The following RNF212B variants were observed in gnomAD, a reference collection of about 807,000 sequenced individuals.
RNF212B encodes ring finger protein 212B, also known as E3 ubiquitin-protein ligase RNF212B.
In RNF212B, 52 loss-of-function variants were observed where a neutral mutation model predicts 55.5. The observed-to-expected ratio is 0.94, with a 90% CI of 0.75 to 1.18. The LOEUF is 1.18. RNF212B is among the 50% of genes most tolerant of loss of function. The pLI, the probability that RNF212B is intolerant of heterozygous loss-of-function variation, is 0.00. For synonymous variants in RNF212B, 99 were observed against 121.4 expected (o/e 0.82, Z 1.21); for missense variants, 289 against 350.4 (o/e 0.82, Z 1.40).
chr14:23,227,367 T>C (rs898203298), intron 2 of RNF212B, among the ~76,000 whole-genome samples: 1 of 152,090 alleles, frequency 6.6e-6, no homozygotes, highest in Admixed American at 6.6e-5. Flanking sequence ...AGGACAATGG[T>C]TGCCTTTAGG....
At chr14:23,206,890 A>G (rs900318347) in intron 2 of RNF212B, among the ~76,000 whole-genome samples, 4 of 152,112 alleles carry the variant, frequency 2.6e-5, no homozygotes, top group Non-Finnish European at 5.9e-5. Flanking sequence ...AACTGAGAAG[A>G]AAAAGAAAAA....
intron 1 of RNF212B, among the ~76,000 whole-genome samples, chr14:23,187,250 A>C (rs1877687360): frequency 6.6e-6 from 1 of 152,180 alleles, no homozygotes; most frequent in Non-Finnish European, 1.5e-5. Context: ...CGTAGCTGAC[A>C]CCTACTGGAC....
intron 1 of RNF212B, among the ~76,000 whole-genome samples, chr14:23,187,746 T>A (rs1279071249): frequency 6.6e-6 from 1 of 152,172 alleles, no homozygotes; most frequent in Non-Finnish European, 1.5e-5. Flanking sequence ...CGTAACTATG[T>A]GCCCCATATC....
Position 23,260,683 on chromosome 14 carries a change from A to T in RNF212B, c.430A>T (p.Ser144Cys). ...LKESPSRYQG[S>C]RSITPRPVGI... ...GGAATCTCCAAGTCGGTACCAAGGAAGCAGGTCAGTTTTATCAGCTCCCAT... is the reference window on the plus strand; with the variant it reads ...GGAATCTCCAAGTCGGTACCAAGGATGCAGGTCAGTTTTATCAGCTCCCAT... The change falls in exon 7 of 15, where the codon AGC becomes TGC. Residue 144 changes from serine to cysteine, a missense_variant. By Grantham distance (112) the Ser-to-Cys change is moderately radical. Coordinates refer to ENST00000430154, the MANE Select transcript of RNF212B (RefSeq NM_001282322.3). The T allele has an allele frequency of 1.3e-6, 2 of 1,550,500 alleles. No individual in the cohort carries two copies. Among genetic ancestry groups the T allele is most frequent in the Non-Finnish European group, 1.7e-6 (2 of 1,146,944 alleles).
chr14:23,270,062 A>G (rs112629843), intron 13 of RNF212B, 102 bp downstream of exon 13: 34 of 715,024 alleles, frequency 4.8e-5, no homozygotes, highest in African/African-American at 2.8e-4. Flanking sequence ...TTGCCCCCCA[A>G]AGAGCATTGT....
At position 23,238,195 on chromosome 14, in the gene RNF212B, T is replaced by A. The variant is rs1329962004; in HGVS notation, c.-2+140T>A. ...CCTTTTTTATGTTGGGCTCATCTGGTCAATTCAGGGGATGACATTGTTGCT... is the reference window on the plus strand; with the variant it reads ...CCTTTTTTATGTTGGGCTCATCTGGACAATTCAGGGGATGACATTGTTGCT... On this transcript the variant is annotated intron_variant, in intron 1 of 14. Transcript: ENST00000430154. Among the ~76,000 whole-genome samples, 5 of 152,232 alleles carry A rather than the reference T, an allele frequency of 3.3e-5. No homozygotes were observed. In the East Asian group the frequency reaches 9.7e-4, roughly 29 times the overall value.
rs75438563 is a variant in RNF212B, at chr14:23,249,262, C to G, written c.228+4866C>G. 4.3e-3 allele frequency among the ~76,000 whole-genome samples: 661 copies of G among 152,326 alleles called. 4 individuals carry two copies. The highest frequency in any genetic ancestry group is 0.015 in the African/African-American group (625 of 41,578). ...TCAGCTGAATTAAGAATTTGAACAA[C>G]TGAGGTACTCAGTGGGCCAGGCGCA... On this transcript the variant is annotated intron_variant, in intron 4 of 14. Transcript: ENST00000430154.
rs117064099 is a variant in RNF212B at position 23,226,826 on chromosome 14, T to A, written c.-1-13519T>A. On this transcript the variant is annotated intron_variant, in intron 2 of 15. Coordinates refer to the RNF212B transcript ENST00000399910. ...TTCTTCTTCTTCTTTTTTTTTTTTT[T>A]AATAGAGAGGAGGTCTATGTTGCTC... 5.9e-4 allele frequency among the ~76,000 whole-genome samples: 86 copies of A among 145,250 alleles called. 1 individual carries two copies. The highest frequency in any genetic ancestry group is 6.9e-4 in the Non-Finnish European group (46 of 66,678).
chr14:23,221,001 C>G (rs1198552494), intron 2 of RNF212B, among the ~76,000 whole-genome samples: 3 of 151,878 alleles, frequency 2.0e-5, no homozygotes, highest in African/African-American at 7.3e-5. Context: ...TGCTATTTAT[C>G]AATAATAACA....
intron 2 of RNF212B, among the ~76,000 whole-genome samples, chr14:23,229,747 T>G (rs1370871258): frequency 6.6e-6 from 1 of 152,220 alleles, no homozygotes; most frequent in African/African-American, 2.4e-5. Flanking sequence ...ACTTTTTTGT[T>G]GTTGAGTTGT....
At chr14:23,205,638 C>G (rs1879763403) in intron 2 of RNF212B, among the ~76,000 whole-genome samples, 1 of 152,146 alleles carries the variant, frequency 6.6e-6, no homozygotes, top group Non-Finnish European at 1.5e-5. Flanking sequence ...TGGGCATGGG[C>G]TGAACTAACT....
intron 2 of RNF212B, among the ~76,000 whole-genome samples, chr14:23,227,603 G>A (rs1882150813): frequency 2.1e-5 from 3 of 144,604 alleles, no homozygotes; most frequent in Admixed American, 1.4e-4. Flanking sequence ...AACAAAAAGT[G>A]TTTTTTTGTT....
rs200698480 is a variant in RNF212B at position 23,226,292 on chromosome 14, G to A, written c.-1-14053G>A. Among the ~76,000 whole-genome samples the A allele has an allele frequency of 2.9e-3, 253 of 86,556 alleles. 3 individuals are homozygous for A. The East Asian group carries it at 0.054, about 18-fold the overall frequency. The allele number at this position is 86,556 out of a possible 152,430, so 56.8% of individuals were successfully genotyped here. On this transcript the variant is annotated intron_variant, in intron 2 of 15. Transcript: ENST00000399910. ...AGCCTGGGCGACAGAGCAAGAAACC[G>A]TCTCAAAAAAAAAAAAAAAAAAAAT...
At chr14:23,217,150 G>A (rs1881159176) in intron 2 of RNF212B, among the ~76,000 whole-genome samples, 1 of 151,856 alleles carries the variant, frequency 6.6e-6, no homozygotes, top group African/African-American at 2.4e-5. Flanking sequence ...CTTAGGCCTG[G>A]CAGAATTCAC....
At chr14:23,218,545 G>A (rs1045246309) in intron 2 of RNF212B, among the ~76,000 whole-genome samples, 32 of 151,954 alleles carry the variant, frequency 2.1e-4, no homozygotes, top group African/African-American at 7.7e-4. Context: ...GGAAGTTGAG[G>A]CTGCAGTGAG....
chr14:23,252,965 C>A (rs1884524069), intron 4 of RNF212B, among the ~76,000 whole-genome samples: 1 of 152,058 alleles, frequency 6.6e-6, no homozygotes. Context: ...CAGAGCCAAG[C>A]ATGTAATTCT....
intron 12 of RNF212B, 138 bp from the exon 13 acceptor site, chr14:23,269,724 AG>A (rs1885939199): frequency 5.6e-5 from 33 of 590,116 alleles, no homozygotes; most frequent in African/African-American, 4.9e-4. Flanking sequence ...AAAAAAAAAA[AG>A]AAAAAATTAT....
chr14:23,201,893 A>C (rs1301247574), intron 2 of RNF212B, among the ~76,000 whole-genome samples: 1 of 152,208 alleles, frequency 6.6e-6, no homozygotes, highest in Non-Finnish European at 1.5e-5. Flanking sequence ...AGCAATCTAT[A>C]AAGTTTATTC....
At chr14:23,194,734 CA>C (rs34019946) in intron 2 of RNF212B, among the ~76,000 whole-genome samples, 2,901 of 74,936 alleles carry the variant, frequency 0.039, 16 homozygotes, top group African/African-American at 0.049. Flanking sequence ...GACTCTGTCT[CA>C]AAAAAAAAAA....
Sources: gnomAD v4.1 joint callset for allele counts (sites outside exome capture counted in the v4.1 genomes callset) on GRCh38, gnomAD v4.1.1 for gene constraint, MANE v1.5 for transcripts, NCBI Gene and HGNC (gene_info 2026-07-23, HGNC 2026-07-21) for gene names.